MELK: variants seen among roughly 807,000 people sequenced by gnomAD.
MELK encodes the protein pEg3 kinase.
Under a neutral mutation model 85.0 loss-of-function variants are expected in MELK, and 81 were observed. The observed-to-expected ratio is 0.95, with a 90% CI of 0.80 to 1.15. The LOEUF (loss-of-function observed/expected upper bound fraction) is 1.15, where lower values mean the gene tolerates loss of function less well. MELK is among the 50% of genes most tolerant of loss of function. The probability of loss-of-function intolerance (pLI) is 0.00; values close to 1 mark genes in which losing one functional copy is unlikely to be tolerated. For synonymous variants in MELK, 252 were observed against 265.0 expected (o/e 0.95, Z 0.48); for missense variants, 754 against 777.5 (o/e 0.97, Z 0.36).
At chr9:36,660,390 T>C (rs1831677473) in intron 13 of MELK, among the ~76,000 whole-genome samples, 1 of 152,068 alleles carries the variant, frequency 6.6e-6, no homozygotes, top group Non-Finnish European at 1.5e-5. Context: ...TGATCATGGC[T>C]CACTGCAGCC....
At chr9:36,612,930 C>T (rs891765773) in intron 8 of MELK, among the ~76,000 whole-genome samples, 2 of 152,164 alleles carry the variant, frequency 1.3e-5, no homozygotes, top group South Asian at 4.1e-4. Context: ...TAACATATAA[C>T]ATTTAACTAA....
At chr9:36,638,362 C>T (rs376858940) in intron 10 of MELK, among the ~76,000 whole-genome samples, 4 of 151,698 alleles carry the variant, frequency 2.6e-5, no homozygotes, top group African/African-American at 4.8e-5. Context: ...CTCGGCTCAC[C>T]GCAGCCTCTT....
rs758367824 is a variant in MELK, at chr9:36,665,341, T to TG, written c.1177-9_1177-8insG. The TG allele has an allele frequency of 6.4e-7, 1 of 1,569,766 alleles. No individual in the cohort carries two copies. Among genetic ancestry groups the TG allele is most frequent in the South Asian group, 1.2e-5 (1 of 85,722 alleles). ...CAGTGTGCTTTATCTAGTAACTTTT[T>TG]TTTTCCAGTTTACCAAGTACTGGAC... is the stretch of plus-strand genomic sequence containing the variant. On this transcript the variant is annotated splice_polypyrimidine_tract_variant and intron_variant, in intron 13 of 17. Coordinates refer to ENST00000298048, the MANE Select transcript of MELK (RefSeq NM_014791.4).
intron 3 of MELK, among the ~76,000 whole-genome samples, chr9:36,587,773 T>A (rs1233033355): frequency 1.3e-5 from 2 of 151,268 alleles, no homozygotes; most frequent in Non-Finnish European, 2.9e-5. Flanking sequence ...ATTTTGTATT[T>A]TTTTTTTTTT....
intron 12 of MELK, among the ~76,000 whole-genome samples, chr9:36,652,095 G>A (rs1001518482): frequency 2.2e-5 from 3 of 139,392 alleles, no homozygotes; most frequent in African/African-American, 8.4e-5. Flanking sequence ...CATCTAGGCT[G>A]GAGTGCAGTG....
chr9:36,647,875 C>T (rs1011386208), intron 11 of MELK, among the ~76,000 whole-genome samples: 2 of 152,110 alleles, frequency 1.3e-5, no homozygotes, highest in African/African-American at 4.8e-5. Flanking sequence ...TTTTATGCTT[C>T]CCCTACTAGA....
At chr9:36,599,777 A>G (rs1319138910) in intron 7 of MELK, among the ~76,000 whole-genome samples, 1 of 152,252 alleles carries the variant, frequency 6.6e-6, no homozygotes, top group African/African-American at 2.4e-5. Flanking sequence ...CTAGCTGGAT[A>G]GAACAAAAGA....
intron 8 of MELK, among the ~76,000 whole-genome samples, chr9:36,626,976 AAAAAAG>A (rs371387238): frequency 6.6e-6 from 1 of 151,304 alleles, no homozygotes; most frequent in Admixed American, 6.6e-5. Context: ...AAAAAAAAAA[AAAAAAG>A]AAAAGAAGTA....
rs757996498 is a variant in MELK at position 36,599,401 on chromosome 9, A to C, written c.482A>C (p.Lys161Thr). The C allele has an allele frequency of 6.2e-6, 10 of 1,609,924 alleles. No individual in the cohort carries two copies. In the East Asian group the frequency reaches 8.9e-5, roughly 14 times the overall value. Reference protein sequence around the residue: ...FGLCAKPKGNKDYHLQTCCGS... With the variant: ...FGLCAKPKGNTDYHLQTCCGS... ...TTTTTATCTTATTGGCAGGGTAACA[A>C]GGATTACCATCTACAGACATGCTGT... The change falls in exon 7 of 18, where the codon AAG (lysine) becomes ACG (threonine). Residue 161 changes from lysine (K) to threonine (T), a missense_variant. Lys to Thr is a moderately conservative substitution (Grantham distance 78, BLOSUM62 -1). Coordinates refer to ENST00000298048, the MANE Select transcript of MELK (RefSeq NM_014791.4).
At chr9:36,608,177 G>T (rs1825737884) in intron 8 of MELK, among the ~76,000 whole-genome samples, 1 of 150,852 alleles carries the variant, frequency 6.6e-6, no homozygotes, top group Non-Finnish European at 1.5e-5. Flanking sequence ...CTACTCGGGA[G>T]GCTGAGGCAG....
intron 11 of MELK, among the ~76,000 whole-genome samples, chr9:36,648,903 C>G (rs1830452011): frequency 6.6e-6 from 1 of 151,772 alleles, no homozygotes; most frequent in Admixed American, 6.6e-5. Context: ...AAACTTCTAA[C>G]ATGAAAGTCG....
At position 36,657,448 on chromosome 9, in the gene MELK, T is replaced by C. The variant is rs149160503; in HGVS notation, c.1176+85T>C. ...AGACTAATGTGAAACCAAGGTGTGC[T>C]TGCAAATTTAATGAATGCTTAAGCC... is the stretch of plus-strand genomic sequence containing the variant. On this transcript the variant is annotated intron_variant, in intron 13 of 17. Transcript: ENST00000298048. 2.0e-4 allele frequency: 281 copies of C among 1,435,352 alleles called. No homozygotes were observed. In the African/African-American group the frequency reaches 3.8e-3, roughly 19 times the overall value. The allele number at this position is 1,435,352 out of a possible 1,614,324, so 88.9% of individuals were successfully genotyped here. A position where few individuals can be genotyped will look rare whatever the true frequency, so the allele number is the denominator to read the frequency against.
chr9:36,647,153 G>T (rs142886156), intron 11 of MELK, among the ~76,000 whole-genome samples: 62 of 152,282 alleles, frequency 4.1e-4, no homozygotes, highest in African/African-American at 1.4e-3. Flanking sequence ...GAAAAGGAGG[G>T]TTTAGAGGAT....
intron 14 of MELK, among the ~76,000 whole-genome samples, chr9:36,668,221 A>G (rs1244251528): frequency 2.0e-5 from 3 of 152,258 alleles, no homozygotes; most frequent in Non-Finnish European, 2.9e-5. Context: ...AACTGTTTTT[A>G]TAAATATTTC....
Position 36,669,312 on chromosome 9 carries a change from A to G in MELK, c.1411A>G (p.Arg471Gly). 1 of 1,604,328 alleles carries G rather than the reference A, an allele frequency of 6.2e-7. No homozygotes were observed. Among genetic ancestry groups the G allele is most frequent in the Non-Finnish European group, 8.5e-7 (1 of 1,174,426 alleles). ...TGTGTTTGTTCTGTTTCTAATAGCT[A>G]GAAACCAGTGCCTGAAAGAAACTCC... is the stretch of plus-strand genomic sequence containing the variant. ...PNRYTTPSKA[R>G]NQCLKETPIK... Residue 471 changes from arginine to glycine, a missense_variant and splice_region_variant, in exon 15 of 18, where the codon AGA (arginine) becomes GGA (glycine). Physicochemically the swap from Arg to Gly is moderately radical, Grantham distance 125. Transcript: ENST00000298048.
chr9:36,677,338 T>C lies in MELK; in HGVS notation c.*1T>C, dbSNP rs142248586. 41 of 1,609,700 alleles carry C rather than the reference T, an allele frequency of 2.5e-5. No individual in the cohort carries two copies. Among genetic ancestry groups the C allele is most frequent in the African/African-American group, 1.5e-4 (11 of 75,002 alleles). ...CATCCTATCTAGCTGCAAGGTATAATTGATGGATTCTTCCATCCTGCCGGA... is the reference window on the plus strand; with the variant it reads ...CATCCTATCTAGCTGCAAGGTATAACTGATGGATTCTTCCATCCTGCCGGA... On this transcript the variant is annotated 3_prime_UTR_variant, in exon 18 of 18. Coordinates refer to ENST00000298048, the MANE Select transcript of MELK (RefSeq NM_014791.4).
At chr9:36,576,819 A>G (rs1213721088) in intron 1 of MELK, among the ~76,000 whole-genome samples, 1 of 152,130 alleles carries the variant, frequency 6.6e-6, no homozygotes, top group East Asian at 1.9e-4. Flanking sequence ...GGCGGGAGCC[A>G]TTGTGCCCAG....
intron 11 of MELK, among the ~76,000 whole-genome samples, chr9:36,649,939 A>T (rs755661608): frequency 0.048 from 2,894 of 59,750 alleles, 47 homozygotes; most frequent in Non-Finnish European, 0.08. Context: ...AATTTAATTA[A>T]ATTAATTAAT....
chr9:36,595,991 T>G (rs1824183471), intron 5 of MELK, among the ~76,000 whole-genome samples: 1 of 150,980 alleles, frequency 6.6e-6, no homozygotes. Context: ...AATTTTTGTA[T>G]TTTTAGTAGG....
Sources: gnomAD v4.1 joint callset for allele counts (sites outside exome capture counted in the v4.1 genomes callset) on GRCh38, gnomAD v4.1.1 for gene constraint, MANE v1.5 for transcripts, NCBI Gene and HGNC (gene_info 2026-07-23, HGNC 2026-07-21) for gene names.